Variants in ARHGAP23 observed in about 807,000 individuals in gnomAD.
ARHGAP23 encodes rho GTPase-activating protein 23.
Under a neutral mutation model 136.3 loss-of-function variants are expected in ARHGAP23, and 34 were observed. The ratio of observed to expected loss-of-function variants is 0.25; its 90% CI spans 0.19 to 0.33. ARHGAP23 has a LOEUF of 0.33. Among genes scored for constraint, ARHGAP23 ranks in the 10% least tolerant of loss-of-function variants. The pLI is 1.00. For synonymous variants in ARHGAP23, 832 were observed against 920.5 expected, an observed-to-expected ratio of 0.90 and a Z score of 1.74; for missense variants, 1,808 against 2,139.0, an observed-to-expected ratio of 0.85 and a Z score of 3.05.
At chr17:38,493,570 A>G (rs1025649057) in intron 20 of ARHGAP23, among the ~76,000 whole-genome samples, 23 of 152,140 alleles carry the variant, frequency 1.5e-4, no homozygotes, top group African/African-American at 5.6e-4. Flanking sequence ...CCTCCTTGGC[A>G]TCTGAACGTA....
chr17:38,457,557 T>G, intron 1 of ARHGAP23: 1 of 168,118 alleles, frequency 5.9e-6, no homozygotes. Flanking sequence ...TGTGTACTCA[T>G]TTGTGTGTGT....
At chr17:38,441,975 G>A (rs949129442) in intron 1 of ARHGAP23, among the ~76,000 whole-genome samples, 8 of 148,332 alleles carry the variant, frequency 5.4e-5, no homozygotes, top group Non-Finnish European at 1.2e-4. Context: ...CCTTTTTTTT[G>A]AGCCTGGATC....
In ARHGAP23 at chr17:38,500,636, T is replaced by C. The variant is rs560522841; in HGVS notation, c.3447+8T>C. 286 of 1,548,802 alleles carry C rather than the reference T, an allele frequency of 1.8e-4. 6 individuals are homozygous for C. The South Asian group carries it at 3.3e-3, about 18-fold the overall frequency. ...AGTTCAGCCAAGTCCAAGGTACGTA[T>C]GAAGGCAATTCTGAAGGCTTGATCC... On this transcript the variant is annotated splice_region_variant and intron_variant, in intron 23 of 23. Coordinates refer to ENST00000622683, the MANE Select transcript of ARHGAP23 (RefSeq NM_001199417.2).
chr17:38,470,624 C>T (rs568675323), intron 10 of ARHGAP23, among the ~76,000 whole-genome samples: 2 of 152,254 alleles, frequency 1.3e-5, no homozygotes, highest in African/African-American at 4.8e-5. Flanking sequence ...GCAACCTCCA[C>T]CTCCTGGGTT....
chr17:38,480,400 G>A (rs1194826860), intron 14 of ARHGAP23, among the ~76,000 whole-genome samples: 5 of 152,200 alleles, frequency 3.3e-5, no homozygotes, highest in Admixed American at 6.5e-5. Flanking sequence ...TTGGGAGGCC[G>A]AGGTGGGCGG....
chr17:38,432,439 G>A (rs2038705603), intron 1 of ARHGAP23, among the ~76,000 whole-genome samples: 1 of 152,186 alleles, frequency 6.6e-6, no homozygotes, highest in African/African-American at 2.4e-5. Context: ...CAGCACTTTG[G>A]GAGGCCAAGG....
chr17:38,508,846 A>G (rs554538785), intron 23 of ARHGAP23, among the ~76,000 whole-genome samples: 5 of 152,250 alleles, frequency 3.3e-5, no homozygotes, highest in South Asian at 4.1e-4. Context: ...AAGAGCCTAC[A>G]GACACCCAGG....
intron 17 of ARHGAP23, among the ~76,000 whole-genome samples, chr17:38,487,215 G>T (rs11652303): frequency 6.6e-6 from 1 of 152,174 alleles, no homozygotes; most frequent in Non-Finnish European, 1.5e-5. Context: ...ATTCATTCGT[G>T]TCAGTGCAGA....
chr17:38,491,382 G>A (rs1401810591), intron 19 of ARHGAP23, 25 bp from the exon 20 acceptor site: 1 of 1,549,586 alleles, frequency 6.5e-7, no homozygotes, highest in African/African-American at 1.4e-5. Context: ...GATGTTGACA[G>A]TGACCTGCTT....
At chr17:38,507,719 A>G (rs1567833190) in intron 23 of ARHGAP23, among the ~76,000 whole-genome samples, 1 of 152,174 alleles carries the variant, frequency 6.6e-6, no homozygotes. Context: ...GTGCAACCAC[A>G]TTGCACAACT....
At chr17:38,435,516 C>T (rs1329038228) in intron 1 of ARHGAP23, among the ~76,000 whole-genome samples, 2 of 152,204 alleles carry the variant, frequency 1.3e-5, no homozygotes, top group African/African-American at 4.8e-5. Flanking sequence ...GAGAACCTTG[C>T]CCCCGAATCT....
intron 1 of ARHGAP23, among the ~76,000 whole-genome samples, chr17:38,448,230 G>A (rs929832220): frequency 2.6e-5 from 4 of 152,190 alleles, no homozygotes; most frequent in African/African-American, 7.2e-5. Context: ...AGTGGGAGGT[G>A]GGGGTGATGC....
intron 11 of ARHGAP23, among the ~76,000 whole-genome samples, chr17:38,476,626 C>T (rs749545530): frequency 6.6e-5 from 10 of 152,030 alleles, no homozygotes; most frequent in Non-Finnish European, 1.3e-4. Context: ...TTTAAAGGCA[C>T]GGCAGAGGTG....
At chr17:38,465,371 G>GGTGT (rs1022250451) in intron 6 of ARHGAP23, among the ~76,000 whole-genome samples, 26 of 151,224 alleles carry the variant, frequency 1.7e-4, no homozygotes, top group Non-Finnish European at 2.1e-4. Context: ...CTTGTAGTGT[G>GGTGT]GTGTGTGTGT....
intron 7 of ARHGAP23, 43 bp from the exon 8 acceptor site, chr17:38,469,101 C>G (rs1049260438): frequency 6.6e-7 from 1 of 1,512,396 alleles, no homozygotes; most frequent in Non-Finnish European, 8.9e-7. Flanking sequence ...AGGCAGGCTC[C>G]GCTGTCTGCT....
chr17:38,449,851 G>A (rs1414745602), intron 1 of ARHGAP23, among the ~76,000 whole-genome samples: 1 of 152,200 alleles, frequency 6.6e-6, no homozygotes. Context: ...GCTGGAGGAA[G>A]GAAAAGCAGG....
rs77512225 is a variant in ARHGAP23, at chr17:38,499,025, C to A, written c.3415+515C>A. On this transcript the variant is annotated intron_variant, in intron 22 of 23. Transcript: ENST00000622683. ...TTATAAGAAGGCTGGGTGGGCACAG[C>A]GGCAGGCAGAATGTCCCGGACTGTG... is the stretch of plus-strand genomic sequence containing the variant. 2,260 of 698,736 alleles carry A rather than the reference C, an allele frequency of 3.2e-3. 9 individuals carry two copies. The highest frequency in any genetic ancestry group is 4.9e-3 in the South Asian group (331 of 67,308). The allele number at this position is 698,736 out of a possible 1,614,324, so 43.3% of individuals were successfully genotyped here. A position where few individuals can be genotyped will look rare whatever the true frequency, so the allele number is the denominator to read the frequency against.
At position 38,464,350 on chromosome 17, in the gene ARHGAP23, G is replaced by A. The variant is rs571994963; in HGVS notation, c.483+968G>A. Among the ~76,000 whole-genome samples, 7 of 152,198 alleles carry A rather than the reference G, an allele frequency of 4.6e-5. No homozygotes were observed. The East Asian group carries it at 9.7e-4, about 21-fold the overall frequency. On this transcript the variant is annotated intron_variant, in intron 6 of 23. Transcript: ENST00000622683. ...GCCTCTTTGTGCCTGGAGCCCCGGC[G>A]GTCCGCTTTGCCCAGTGCCCACCTC...
chr17:38,510,282 G>C lies in ARHGAP23; in HGVS notation c.3786G>C (p.Ser1262=), dbSNP rs758457137. The C allele has an allele frequency of 7.8e-7, 1 of 1,287,870 alleles. No homozygotes were observed. Among genetic ancestry groups the C allele is most frequent in the Non-Finnish European group, 9.8e-7 (1 of 1,017,812 alleles). The allele number at this position is 1,287,870 out of a possible 1,614,324, so 79.8% of individuals were successfully genotyped here. A position where few individuals can be genotyped will look rare whatever the true frequency, so the allele number is the denominator to read the frequency against. Residue 1262 remains serine (S), a synonymous_variant, in exon 24 of 24, where the codon TCG becomes TCC. Transcript: ENST00000622683. The surrounding 1 kb of genome is among the most constrained non-coding windows in gnomAD (Gnocchi z 4.6). ...TLSTMDRSVC[S]GASGRRAGAG... is the part of the protein sequence containing the mutation. ...CCACCATGGACCGCAGCGTGTGCTC[G>C]GGCGCTAGCGGTCGGCGGGCAGGGG...
Sources: gnomAD v4.1 joint callset for allele counts (sites outside exome capture counted in the v4.1 genomes callset) on GRCh38, gnomAD v4.1.1 for gene constraint, Gnocchi (gnomAD v3.1) non-coding constraint, MANE v1.5 for transcripts, NCBI Gene and HGNC (gene_info 2026-07-23, HGNC 2026-07-21) for gene names.